IPCEF1: variants seen among roughly 807,000 people sequenced by gnomAD.
IPCEF1 encodes the protein interactor protein for cytohesin exchange factors 1.
Under a neutral mutation model 50.9 loss-of-function variants are expected in IPCEF1, and 31 were observed. That is an observed-to-expected ratio of 0.61 (90% confidence interval 0.46 to 0.82). The LOEUF is 0.82. Ranked by LOEUF, IPCEF1 falls within the 40% of genes least tolerant of loss-of-function variation. IPCEF1 has a pLI of 0.00. For missense variants in IPCEF1, 458 were observed against 514.0 expected, an observed-to-expected ratio of 0.89 and a Z score of 1.05; for synonymous variants, 181 against 192.0, an observed-to-expected ratio of 0.94 and a Z score of 0.47.
At chr6:154,264,879 T>C (rs1258170734) in intron 3 of IPCEF1, among the ~76,000 whole-genome samples, 1 of 152,202 alleles carries the variant, frequency 6.6e-6, no homozygotes, top group East Asian at 1.9e-4. Flanking sequence ...TTAACTCAGA[T>C]TCTTCATCCC....
intron 1 of IPCEF1, among the ~76,000 whole-genome samples, chr6:154,343,001 AGCT>A (rs1292441650): frequency 6.6e-6 from 1 of 152,152 alleles, no homozygotes; most frequent in Non-Finnish European, 1.5e-5. Context: ...CTGTAGTCCC[AGCT>A]ACTCAGGAGG....
rs1798806424 is a variant in IPCEF1 at position 154,158,583 on chromosome 6, G to A, written c.*1245C>T. 6.6e-6 allele frequency: 1 copy of A among 152,062 alleles called. No homozygotes were observed. Among genetic ancestry groups the A allele is most frequent in the South Asian group, 2.1e-4 (1 of 4,816 alleles). 9.4% of individuals were successfully genotyped at this position (152,062 alleles called of 1,614,324 possible). On this transcript the variant is annotated 3_prime_UTR_variant, in exon 12 of 12. Coordinates refer to ENST00000367220, the MANE Select transcript of IPCEF1 (RefSeq NM_001130700.2). ...AAATTTAAGAGCTCATGGGGGTTGG[G>A]GTGGGGAAGAAAATGAAAAATTATG...
intron 1 of IPCEF1, among the ~76,000 whole-genome samples, chr6:154,310,274 C>A (rs74569296): frequency 2.6e-5 from 4 of 152,190 alleles, no homozygotes; most frequent in Admixed American, 2.6e-4. Flanking sequence ...TGAAAAAATG[C>A]TGAACATCAC....
intron 2 of IPCEF1, among the ~76,000 whole-genome samples, chr6:154,278,322 T>C (rs930883777): frequency 6.6e-6 from 1 of 152,230 alleles, no homozygotes. Context: ...CCAGGTCTCC[T>C]GACACTGCTG....
chr6:154,284,962 T>G (rs914610059), intron 2 of IPCEF1, among the ~76,000 whole-genome samples: 4 of 152,004 alleles, frequency 2.6e-5, no homozygotes, highest in African/African-American at 9.7e-5. Context: ...ATCACGCCAC[T>G]GCACTCCAGC....
chr6:154,259,339 G>A (rs1213999568), intron 3 of IPCEF1, among the ~76,000 whole-genome samples: 2 of 152,152 alleles, frequency 1.3e-5, no homozygotes, highest in Admixed American at 1.3e-4. Flanking sequence ...TCCAAATACT[G>A]AGAATCTGGA....
At chr6:154,346,432 C>A (rs903997187) in intron 1 of IPCEF1, among the ~76,000 whole-genome samples, 3 of 152,140 alleles carry the variant, frequency 2.0e-5, no homozygotes, top group Non-Finnish European at 4.4e-5. Context: ...TATTTCTTCC[C>A]TCCTTTTTTC....
chr6:154,197,829 G>T (rs916777757), intron 10 of IPCEF1, among the ~76,000 whole-genome samples: 2 of 152,116 alleles, frequency 1.3e-5, no homozygotes, highest in Non-Finnish European at 2.9e-5. Flanking sequence ...CCTGGGGGGT[G>T]TGTGTGTGTG....
intron 1 of IPCEF1, among the ~76,000 whole-genome samples, chr6:154,334,296 AAC>A (rs1275578273): frequency 6.6e-6 from 1 of 152,240 alleles, no homozygotes; most frequent in East Asian, 1.9e-4. Flanking sequence ...CTAGGCTGTG[AAC>A]AGTTATCACT....
chr6:154,355,494 C>CT lies in IPCEF1; in HGVS notation c.-62+1177dup, dbSNP rs34384205. Among the ~76,000 whole-genome samples, 393 of 69,082 alleles carry CT rather than the reference C, an allele frequency of 5.7e-3. 1 individual carries two copies. The highest frequency in any genetic ancestry group is 0.013 in the Admixed American group (71 of 5,554). 45.3% of individuals were successfully genotyped at this position (69,082 alleles called of 152,430 possible). The stretch of plus-strand genomic sequence containing the variant: ...TTCTGTTTCTTTTCTTTCTTTCTTT[C>CT]TTTTTTTTTTTTGAGATGAACTCTT... On this transcript the variant is annotated intron_variant, in intron 1 of 11. Coordinates refer to ENST00000367220, the MANE Select transcript of IPCEF1 (RefSeq NM_001130700.2).
intron 1 of IPCEF1, among the ~76,000 whole-genome samples, chr6:154,323,203 G>A (rs148547937): frequency 6.6e-6 from 1 of 152,048 alleles, no homozygotes; most frequent in Admixed American, 6.5e-5. Context: ...CCACGTGCAC[G>A]AGGGACTAGA....
chr6:154,309,732 G>A (rs1309775087), intron 1 of IPCEF1, among the ~76,000 whole-genome samples: 4 of 149,902 alleles, frequency 2.7e-5, no homozygotes, highest in African/African-American at 9.8e-5. Flanking sequence ...AATTCTTTCC[G>A]CTAAAGCTAT....
Position 154,168,065 on chromosome 6 carries a change from G to A in IPCEF1, c.959C>T (p.Ser320Leu). ...AGGAGATAGACTAGCTTGCTCTAATGATTTGTACAGCTTCTCCATTTCATC... is the reference window on the plus strand; with the variant it reads ...AGGAGATAGACTAGCTTGCTCTAATAATTTGTACAGCTTCTCCATTTCATC... ...EDDEMEKLYK[S>L]LEQASLSPLG... The change falls in exon 11 of 12, where the codon TCA (serine) becomes TTA (leucine). Residue 320 changes from serine to leucine, a missense_variant. Ser to Leu is a moderately radical substitution (Grantham distance 145). Coordinates refer to ENST00000367220, the MANE Select transcript of IPCEF1 (RefSeq NM_001130700.2). This position sits in a 1 kb window ranked among gnomAD's most constrained non-coding sequence, Gnocchi z 4.1. The A allele has an allele frequency of 1.3e-6, 2 of 1,597,322 alleles. No homozygotes were observed. The highest frequency in any genetic ancestry group is 1.7e-6 in the Non-Finnish European group (2 of 1,167,900).
intron 3 of IPCEF1, among the ~76,000 whole-genome samples, chr6:154,249,622 G>A (rs1044556347): frequency 6.6e-6 from 1 of 152,132 alleles, no homozygotes; most frequent in Non-Finnish European, 1.5e-5. Context: ...TGAGAGGAAA[G>A]TCCCTGGAGG....
At chr6:154,177,746 C>A (rs1257558670) in intron 10 of IPCEF1, among the ~76,000 whole-genome samples, 1 of 152,136 alleles carries the variant, frequency 6.6e-6, no homozygotes, top group African/African-American at 2.4e-5. Flanking sequence ...CCTCAAGGAT[C>A]TAGAACTAGA....
chr6:154,235,968 A>G (rs1167037090), intron 5 of IPCEF1, among the ~76,000 whole-genome samples: 1 of 152,238 alleles, frequency 6.6e-6, no homozygotes, highest in Non-Finnish European at 1.5e-5. Flanking sequence ...AATGTAAAAC[A>G]GTGTAGCTGC....
At chr6:154,347,357 C>A (rs914140662) in intron 1 of IPCEF1, among the ~76,000 whole-genome samples, 3 of 152,156 alleles carry the variant, frequency 2.0e-5, no homozygotes, top group African/African-American at 7.2e-5. Flanking sequence ...TTCTGGGTGA[C>A]CTTGAGCCAG....
intron 10 of IPCEF1, among the ~76,000 whole-genome samples, chr6:154,182,387 T>C (rs1800963090): frequency 6.6e-6 from 1 of 152,220 alleles, no homozygotes; most frequent in South Asian, 2.1e-4. Context: ...GTTGTTATTA[T>C]TGAGTCTTGA....
intron 10 of IPCEF1, among the ~76,000 whole-genome samples, chr6:154,195,206 G>A (rs2128586179): frequency 6.9e-6 from 1 of 145,070 alleles, no homozygotes; most frequent in Admixed American, 6.9e-5. Flanking sequence ...GGAGTGCAGT[G>A]GCACGATCTC....
Sources: allele counts gnomAD v4.1 joint callset (sites outside exome capture counted in the v4.1 genomes callset), GRCh38; gene constraint gnomAD v4.1.1; non-coding constraint Gnocchi (gnomAD v3.1); transcripts MANE v1.5; gene names NCBI Gene and HGNC (gene_info 2026-07-23, HGNC 2026-07-21).